SOX5: variants seen among roughly 807,000 people sequenced by gnomAD.
SOX5 encodes transcription factor SOX-5.
A neutral mutation model predicts 92.0 loss-of-function variants in SOX5; 9 were observed. That is an observed-to-expected ratio of 0.10 (90% CI 0.06 to 0.17). SOX5 has a LOEUF of 0.17. Among genes scored for constraint, SOX5 ranks in the 10% least tolerant of loss-of-function variants. The pLI, the probability that SOX5 is intolerant of heterozygous loss-of-function variation, is 1.00. For synonymous variants in SOX5, 344 were observed against 336.3 expected (o/e 1.02, Z -0.25); for missense variants, 642 against 944.5 (o/e 0.68, Z 4.20).
At chr12:23,782,933 A>G (rs2095310850) in intron 3 of SOX5, among the ~76,000 whole-genome samples, 1 of 152,072 alleles carries the variant, frequency 6.6e-6, no homozygotes, top group Non-Finnish European at 1.5e-5. Flanking sequence ...CTGATCATCA[A>G]ATTTAATAAA....
chr12:23,931,033 A>G (rs1424937730), intron 1 of SOX5, among the ~76,000 whole-genome samples: 1 of 151,766 alleles, frequency 6.6e-6, no homozygotes, highest in Admixed American at 6.6e-5. Flanking sequence ...CTTCATAGGG[A>G]CAAAAGCTAT....
At chr12:24,511,469 T>C (rs1949296212) in intron 1 of SOX5, among the ~76,000 whole-genome samples, 1 of 152,202 alleles carries the variant, frequency 6.6e-6, no homozygotes, top group Non-Finnish European at 1.5e-5. Context: ...ACTGCATCAA[T>C]GTATTCCTAA....
chr12:24,485,850 C>A (rs1313143611), intron 1 of SOX5, among the ~76,000 whole-genome samples: 1 of 152,126 alleles, frequency 6.6e-6, no homozygotes, highest in African/African-American at 2.4e-5. Flanking sequence ...ATGCCTCCTG[C>A]CAATATTTTT....
chr12:23,590,257 G>A (rs779567077), intron 9 of SOX5, among the ~76,000 whole-genome samples: 3 of 151,920 alleles, frequency 2.0e-5, no homozygotes, highest in Non-Finnish European at 1.5e-5. Context: ...TATTAATTAG[G>A]CTAGGGAGGT....
At chr12:23,638,711 G>T (rs1210101102) in intron 8 of SOX5, among the ~76,000 whole-genome samples, 1 of 151,916 alleles carries the variant, frequency 6.6e-6, no homozygotes, top group East Asian at 1.9e-4. Context: ...TCTGGGGAAG[G>T]CTGAAGTCAA....
intron 1 of SOX5, among the ~76,000 whole-genome samples, chr12:24,372,352 C>T (rs540767128): frequency 2.0e-5 from 3 of 152,252 alleles, no homozygotes; most frequent in African/African-American, 7.2e-5. Flanking sequence ...TCTCACTGTT[C>T]AACTCCCACT....
At chr12:24,209,624 C>A (rs987661425) in intron 4 of SOX5, among the ~76,000 whole-genome samples, 1 of 152,136 alleles carries the variant, frequency 6.6e-6, no homozygotes, top group African/African-American at 2.4e-5. Flanking sequence ...CAATTGAAAA[C>A]TGCTGCCACA....
At chr12:24,355,305 T>TAA (rs1954692587) in intron 2 of SOX5, among the ~76,000 whole-genome samples, 1 of 67,238 alleles carries the variant, frequency 1.5e-5, no homozygotes, top group Non-Finnish European at 4.2e-5. Context: ...TTTTTTTTTT[T>TAA]TTTTTTTTTT....
At chr12:23,620,162 GA>G (rs1256439681) in intron 8 of SOX5, among the ~76,000 whole-genome samples, 4 of 151,784 alleles carry the variant, frequency 2.6e-5, no homozygotes, top group African/African-American at 7.3e-5. Flanking sequence ...CATACAGGAG[GA>G]AAAAAAACTG....
chr12:23,860,509 G>A (rs142685723), intron 2 of SOX5, among the ~76,000 whole-genome samples: 1,706 of 152,170 alleles, frequency 0.011, 9 homozygotes, highest in Non-Finnish European at 0.019. Flanking sequence ...AAATAGAATT[G>A]GTATGTCTAG....
chr12:24,338,289 A>T (rs1368262949), intron 2 of SOX5, among the ~76,000 whole-genome samples: 4 of 152,176 alleles, frequency 2.6e-5, no homozygotes, highest in Admixed American at 6.5e-5. Flanking sequence ...ATTTGAAATC[A>T]TTAGTGGACA....
chr12:23,772,731 A>G (rs2094973635), intron 3 of SOX5, among the ~76,000 whole-genome samples: 1 of 152,186 alleles, frequency 6.6e-6, no homozygotes, highest in South Asian at 2.1e-4. Context: ...TATATACCTA[A>G]TATACCTAAC....
At position 23,634,737 on chromosome 12, in the gene SOX5, T is replaced by A. The variant is rs539823289; in HGVS notation, c.1017+6075A>T. Among the ~76,000 whole-genome samples the A allele has an allele frequency of 3.0e-3, 454 of 152,268 alleles. 1 individual carries two copies. Among genetic ancestry groups the A allele is most frequent in the African/African-American group, 0.01 (435 of 41,562 alleles). On this transcript the variant is annotated intron_variant, in intron 8 of 14. Transcript: ENST00000451604. ...ATCTTAATTAACCAAATTCAAACTG[T>A]TTTTTTCTTCTATCAGCCAACCATG...
Position 23,837,305 on chromosome 12 carries a change from A to T in SOX5, c.481+8678T>A, listed in dbSNP as rs1314113324. On this transcript the variant is annotated intron_variant, in intron 3 of 14. Coordinates refer to ENST00000451604, the MANE Select transcript of SOX5 (RefSeq NM_006940.6). ...TATATTTATATTTATATAATATATA[A>T]GATATATTTATATTTATATAATATA... Among the ~76,000 whole-genome samples, 4 of 103,454 alleles carry T rather than the reference A, an allele frequency of 3.9e-5. No individual in the cohort carries two copies. The Admixed American group carries it at 4.7e-4, about 12-fold the overall frequency. 67.9% of individuals were successfully genotyped at this position (103,454 alleles called of 152,430 possible).
chr12:23,672,777 A>G (rs1156248279), intron 6 of SOX5, among the ~76,000 whole-genome samples: 1 of 152,156 alleles, frequency 6.6e-6, no homozygotes, highest in Admixed American at 6.6e-5. Flanking sequence ...CAATATTACT[A>G]GGATACAACC....
chr12:24,312,814 T>A (rs1232708845), intron 2 of SOX5, among the ~76,000 whole-genome samples: 1 of 152,226 alleles, frequency 6.6e-6, no homozygotes, highest in Non-Finnish European at 1.5e-5. Context: ...CTTACAGGTC[T>A]GTCATTTTAA....
At chr12:23,614,887 C>T (rs1028411046) in intron 8 of SOX5, among the ~76,000 whole-genome samples, 9 of 152,156 alleles carry the variant, frequency 5.9e-5, no homozygotes, top group Non-Finnish European at 1.2e-4. Flanking sequence ...CTGCAACCTC[C>T]GCCTCCCAGG....
At chr12:24,555,926 A>C (rs1373400067) in intron 1 of SOX5, among the ~76,000 whole-genome samples, 1 of 152,218 alleles carries the variant, frequency 6.6e-6, no homozygotes, top group Non-Finnish European at 1.5e-5. Flanking sequence ...AGCACCACTT[A>C]GGCACGGAGG....
intron 3 of SOX5, among the ~76,000 whole-genome samples, chr12:23,838,340 A>C (rs543736085): frequency 2.6e-5 from 4 of 151,232 alleles, no homozygotes; most frequent in Non-Finnish European, 5.9e-5. Context: ...TACATAAATT[A>C]CTCCTTGATG....
Sources: gnomAD v4.1 joint callset for allele counts (sites outside exome capture counted in the v4.1 genomes callset) on GRCh38, gnomAD v4.1.1 for gene constraint, MANE v1.5 for transcripts, NCBI Gene and HGNC (gene_info 2026-07-23, HGNC 2026-07-21) for gene names.